Variants in CEP95 observed in about 807,000 individuals in gnomAD.
CEP95 encodes centrosomal protein 95, also known as centrosomal protein of 95 kDa.
A neutral mutation model predicts 111.2 loss-of-function variants in CEP95; 98 were observed. The observed-to-expected ratio is 0.88, with a 90% CI of 0.75 to 1.04. The LOEUF is 1.04. CEP95 is among the 50% of genes least tolerant of loss of function. The pLI is 0.00. For synonymous variants in CEP95, 323 were observed against 327.1 expected (o/e 0.99, Z 0.14); for missense variants, 1,027 against 977.2 (o/e 1.05, Z -0.68).
intron 6 of CEP95, among the ~76,000 whole-genome samples, chr17:64,520,756 G>T (rs1402678455): frequency 1.3e-5 from 2 of 152,020 alleles, no homozygotes; most frequent in Non-Finnish European, 1.5e-5. Flanking sequence ...CATGTTTCTG[G>T]TACTAGCTAA....
Position 64,522,784 on chromosome 17 carries a change from C to G in CEP95, c.798C>G (p.Pro266=). 1.2e-6 allele frequency: 2 copies of G among 1,613,872 alleles called. No homozygotes were observed. Among genetic ancestry groups the G allele is most frequent in the African/African-American group, 1.3e-5 (1 of 75,038 alleles). The part of the protein sequence containing the change: ...PIRAAIPLHP[P]YHPSEPRAPC... ...GAGCAGCTATTCCTTTACATCCACC[C>G]TACCACCCTTCAGAGCCTCGAGCAC... The change falls in exon 8 of 20, where the codon CCC becomes CCG. Residue 266 remains proline (P), a synonymous_variant. Transcript: ENST00000556440.
chr17:64,526,210 G>GT lies in CEP95; in HGVS notation c.1152+16dup, dbSNP rs782169193. The stretch of plus-strand genomic sequence containing the variant: ...TTCTGAACTAGATTGGGCAAGTCTT[G>GT]TTTTTTCATCTATATTGAGATTCCC... On this transcript the variant is annotated intron_variant, in intron 10 of 19. Transcript: ENST00000556440. 6 of 1,603,464 alleles carry GT rather than the reference G, an allele frequency of 3.7e-6. No individual in the cohort carries two copies. The Admixed American group carries it at 5.2e-5, about 14-fold the overall frequency.
intron 10 of CEP95, among the ~76,000 whole-genome samples, 198 bp downstream of exon 10, chr17:64,526,398 T>G (rs1163717900): frequency 2.0e-5 from 3 of 152,196 alleles, no homozygotes; most frequent in Non-Finnish European, 4.4e-5. Flanking sequence ...TTGGTGCAGA[T>G]TTATCCAAAT....
intron 17 of CEP95, chr17:64,536,135 A>C (rs1272789972): frequency 1.3e-5 from 2 of 152,694 alleles, no homozygotes; most frequent in Non-Finnish European, 2.9e-5. Flanking sequence ...TGGTTGCACA[A>C]CTGAGTATAA....
At chr17:64,507,425 T>C in intron 1 of CEP95, 5 of 1,353,012 alleles carry the variant, frequency 3.7e-6, no homozygotes, top group Non-Finnish European at 4.7e-6. Context: ...GTGGGGCGTC[T>C]AGCCGCTGTC....
chr17:64,525,994 A>G (rs1350173432), intron 9 of CEP95, 77 bp from the exon 10 acceptor site: 7 of 1,524,306 alleles, frequency 4.6e-6, no homozygotes, highest in Non-Finnish European at 6.2e-6. Context: ...TATTTGTTAA[A>G]GTACGTATTA....
chr17:64,533,612 C>T (rs1968441614), intron 16 of CEP95, among the ~76,000 whole-genome samples: 1 of 152,020 alleles, frequency 6.6e-6, no homozygotes, highest in South Asian at 2.1e-4. Flanking sequence ...GTCTCAACAA[C>T]AACAAAACAC....
chr17:64,531,253 TC>T (rs11300397), intron 13 of CEP95, among the ~76,000 whole-genome samples: 5,647 of 152,224 alleles, frequency 0.037, 356 homozygotes, highest in African/African-American at 0.13. Flanking sequence ...ACTTAAAACT[TC>T]CCATCAGTTT....
At chr17:64,517,645 G>T (rs1318192371) in intron 5 of CEP95, among the ~76,000 whole-genome samples, 1 of 150,306 alleles carries the variant, frequency 6.7e-6, no homozygotes, top group Non-Finnish European at 1.5e-5. Flanking sequence ...CTGAGCTTAA[G>T]CCCAAGTAGC....
chr17:64,536,923 G>A (rs1968695104), intron 18 of CEP95, 118 bp from the exon 19 acceptor site: 15 of 1,207,622 alleles, frequency 1.2e-5, no homozygotes, highest in Non-Finnish European at 1.7e-5. Flanking sequence ...CCTGACCATA[G>A]TACAGTATAT....
chr17:64,512,318 G>A (rs1385121786), intron 3 of CEP95, among the ~76,000 whole-genome samples: 1 of 152,210 alleles, frequency 6.6e-6, no homozygotes, highest in Non-Finnish European at 1.5e-5. Flanking sequence ...CAGGGTTGCA[G>A]GACAAAGGGA....
At chr17:64,534,071 G>C (rs1193903122) in intron 16 of CEP95, 1 of 157,866 alleles carries the variant, frequency 6.3e-6, no homozygotes, top group Non-Finnish European at 1.4e-5. Context: ...AACAGTTCCA[G>C]GAAGACATCT....
intron 14 of CEP95, 35 bp from the exon 15 acceptor site, chr17:64,532,804 G>A (rs1555680570): frequency 6.3e-6 from 10 of 1,588,666 alleles, no homozygotes; most frequent in Middle Eastern, 1.7e-4. Flanking sequence ...TCTTGTCCAC[G>A]TCTCAGATTA....
At chr17:64,525,914 T>G in intron 9 of CEP95, 32 bp downstream of exon 9, 1 of 1,512,456 alleles carries the variant, frequency 6.6e-7, no homozygotes, top group Non-Finnish European at 8.9e-7. Flanking sequence ...GTGTTTACAG[T>G]CTGTTTACAA....
At chr17:64,532,252 C>T in intron 14 of CEP95, 2 of 1,223,858 alleles carry the variant, frequency 1.6e-6, no homozygotes, top group African/African-American at 1.6e-5. Flanking sequence ...GCCAGGACTG[C>T]CACCTGCTGC....
chr17:64,524,725 C>T (rs1413911011), intron 8 of CEP95, among the ~76,000 whole-genome samples: 2 of 152,120 alleles, frequency 1.3e-5, no homozygotes, highest in African/African-American at 4.8e-5. Context: ...GTAATCCCAG[C>T]ACTTTGAGAG....
chr17:64,532,148 C>T (rs78774009), intron 14 of CEP95, 126 bp downstream of exon 14: 2 of 1,369,058 alleles, frequency 1.5e-6, no homozygotes, highest in Middle Eastern at 2.0e-4. Context: ...TTTTTTTTCC[C>T]AATCACTGCC....
intron 8 of CEP95, 37 bp from the exon 9 acceptor site, chr17:64,525,733 A>T (rs782112094): frequency 7.4e-7 from 1 of 1,355,506 alleles, no homozygotes; most frequent in East Asian, 2.4e-5. Context: ...TCTTATTTGT[A>T]GCTTTTTCAA....
chr17:64,506,923 A>G (rs1267016662), upstream of CEP95: 4 of 742,028 alleles, frequency 5.4e-6, no homozygotes, highest in Non-Finnish European at 4.8e-6. Context: ...TGCTCCTCTG[A>G]TGACCAATCA....
Sources: gnomAD v4.1 joint callset for allele counts (sites outside exome capture counted in the v4.1 genomes callset) on GRCh38, gnomAD v4.1.1 for gene constraint, MANE v1.5 for transcripts, NCBI Gene and HGNC (gene_info 2026-07-23, HGNC 2026-07-21) for gene names.